Variants in OPHN1 observed in about 807,000 individuals in gnomAD.
The protein encoded by OPHN1 is oligophrenin-1.
OPHN1 carries 11 observed loss-of-function variants against 60.7 expected under a neutral mutation model. The observed-to-expected ratio is 0.18, with a 90% CI of 0.11 to 0.30. OPHN1 has a LOEUF of 0.30. Among genes scored for constraint, OPHN1 ranks in the 10% least tolerant of loss-of-function variants. OPHN1 has a pLI of 1.00. For missense variants in OPHN1, 449 were observed against 611.0 expected (o/e 0.73, Z 2.80); for synonymous variants, 226 against 222.6 (o/e 1.02, Z -0.14).
chrX:68,126,886 C>A (rs998699754), intron 15 of OPHN1, among the ~76,000 whole-genome samples: 2 of 112,262 alleles, frequency 1.8e-5, no homozygotes, highest in Admixed American at 9.4e-5. Context: ...CTTCTGAATC[C>A]GTGGCTCACC....
At chrX:68,356,616 T>C (rs1472305256) in intron 2 of OPHN1, among the ~76,000 whole-genome samples, 2 of 110,908 alleles carry the variant, frequency 1.8e-5, no homozygotes, top group East Asian at 5.7e-4. Context: ...TTTTGCCATG[T>C]TGCCCAGGCT....
intron 15 of OPHN1, among the ~76,000 whole-genome samples, chrX:68,171,175 A>G (rs2077389213): frequency 9.0e-6 from 1 of 110,816 alleles, no homozygotes. Flanking sequence ...TGGATACCCT[A>G]TTTCCCATGA....
chrX:68,118,977 C>T (rs777461279), intron 16 of OPHN1, among the ~76,000 whole-genome samples: 3 of 112,146 alleles, frequency 2.7e-5, no homozygotes, highest in Admixed American at 9.5e-5. Flanking sequence ...AAGAGCAAAA[C>T]GTATTCAATT....
At chrX:68,261,566 T>C (rs5965531) in intron 5 of OPHN1, among the ~76,000 whole-genome samples, 36,317 of 110,080 alleles carry the variant, frequency 0.33, 7,488 homozygotes, top group African/African-American at 0.78. Context: ...AGTGTACACA[T>C]GGGGAAGGAT....
At chrX:68,142,029 C>T (rs761538385) in intron 15 of OPHN1, among the ~76,000 whole-genome samples, 100 of 111,744 alleles carry the variant, frequency 8.9e-4, no homozygotes, top group Non-Finnish European at 1.3e-3. Context: ...CTGGACAGTA[C>T]TGAAAATGAT....
intron 6 of OPHN1, among the ~76,000 whole-genome samples, chrX:68,219,524 T>G (rs1233858343): frequency 9.2e-6 from 1 of 108,781 alleles, no homozygotes; most frequent in Non-Finnish European, 1.9e-5. Flanking sequence ...GACCACATAG[T>G]TGGAAGTAAA....
chrX:68,218,220 G>C (rs1417264238), intron 6 of OPHN1, among the ~76,000 whole-genome samples: 1 of 70,784 alleles, frequency 1.4e-5, no homozygotes, highest in African/African-American at 4.7e-5. Context: ...GAGAAGGGAA[G>C]TTTAGAGAAA....
intron 18 of OPHN1, among the ~76,000 whole-genome samples, chrX:68,110,116 T>C (rs1314501289): frequency 9.0e-6 from 1 of 111,608 alleles, no homozygotes; most frequent in East Asian, 2.8e-4. Context: ...CTTCTGGAAC[T>C]GTACTGCATT....
At chrX:68,194,912 G>A (rs1288447695) in intron 12 of OPHN1, among the ~76,000 whole-genome samples, 1 of 106,877 alleles carries the variant, frequency 9.4e-6, no homozygotes, top group African/African-American at 3.4e-5. Flanking sequence ...AGGCTGCAGT[G>A]AGCTGAGATC....
At chrX:68,323,982 A>T (rs2078247051) in intron 2 of OPHN1, among the ~76,000 whole-genome samples, 1 of 111,980 alleles carries the variant, frequency 8.9e-6, no homozygotes, top group African/African-American at 3.2e-5. Context: ...TATCTATTAA[A>T]AGCTTACATC....
intron 15 of OPHN1, among the ~76,000 whole-genome samples, chrX:68,142,222 G>C (rs2077246464): frequency 8.9e-6 from 1 of 112,456 alleles, no homozygotes; most frequent in East Asian, 2.8e-4. Flanking sequence ...ATTTCAGTCT[G>C]TATGACCCTG....
intron 2 of OPHN1, among the ~76,000 whole-genome samples, chrX:68,385,114 T>C (rs1374920791): frequency 9.0e-6 from 1 of 111,451 alleles, no homozygotes; most frequent in Admixed American, 9.6e-5. Context: ...TCAAAATATA[T>C]TGGGAGAAAG....
intron 15 of OPHN1, among the ~76,000 whole-genome samples, chrX:68,167,622 C>T (rs367771147): frequency 6.5e-4 from 71 of 108,778 alleles, no homozygotes; most frequent in South Asian, 2.4e-3. Context: ...TATACATGCG[C>T]GCATGCATGC....
At chrX:68,331,985 G>A (rs1418402126) in intron 2 of OPHN1, among the ~76,000 whole-genome samples, 3 of 109,299 alleles carry the variant, frequency 2.7e-5, no homozygotes, top group South Asian at 7.9e-4. Flanking sequence ...GTGGTGAGCC[G>A]AGATCGCACC....
At chrX:68,134,151 G>T (rs1379709977) in intron 15 of OPHN1, among the ~76,000 whole-genome samples, 1 of 109,784 alleles carries the variant, frequency 9.1e-6, no homozygotes, top group African/African-American at 3.3e-5. Flanking sequence ...CTCCAGCCTG[G>T]GTGACAGAGT....
intron 15 of OPHN1, among the ~76,000 whole-genome samples, chrX:68,119,843 T>A (rs1471247721): frequency 9.0e-6 from 1 of 111,708 alleles, no homozygotes; most frequent in Non-Finnish European, 1.9e-5. Flanking sequence ...AAGAGTCCTA[T>A]CAAGTTTTGA....
intron 2 of OPHN1, among the ~76,000 whole-genome samples, chrX:68,341,326 C>CA (rs559502317): frequency 0.23 from 22,766 of 96,998 alleles, 2,707 homozygotes; most frequent in African/African-American, 0.44. Flanking sequence ...CACACACTTT[C>CA]AAAAAAAAAA....
At position 68,119,786 on chromosome X, in the gene OPHN1, G is replaced by C. The variant is rs188732765; in HGVS notation, c.1277-454C>G. Among the ~76,000 whole-genome samples the C allele has an allele frequency of 7.3e-4, 81 of 111,281 alleles. 1 individual carries two copies. Among genetic ancestry groups the C allele is most frequent in the African/African-American group, 2.6e-3 (79 of 30,652 alleles). ...GATTTGAGAGGTAAAAACTCCAATA[G>C]GGCCCAGTCCAAAAGGGGCTCCCAA... On this transcript the variant is annotated intron_variant, in intron 15 of 24. Transcript: ENST00000355520.
In OPHN1 at chrX:68,234,563, T is replaced by A. The variant is rs767091477; in HGVS notation, c.410A>T (p.Asp137Val). 1 of 1,206,187 alleles carries A rather than the reference T, an allele frequency of 8.3e-7. No individual in the cohort carries two copies. The highest frequency in any genetic ancestry group is 1.1e-6 in the Non-Finnish European group (1 of 891,805). Residue 137 changes from aspartate to valine, a missense_variant, in exon 6 of 25, where the codon GAT (aspartate) becomes GTT (valine). This residue lies in a region of OPHN1 where 99 missense variants were observed against 155.2 expected (regional missense o/e 0.64). Transcript: ENST00000355520. ...TKERKKKFEKDGERFYSLLDR... is the reference protein window; with the variant it reads ...TKERKKKFEKVGERFYSLLDR... ...CAGTAAAGAATAAAACCTCTCACCA[T>A]CCTTTTCAAATTTCTTTTTCCGCTC... is the stretch of plus-strand genomic sequence containing the variant.
Sources: allele counts gnomAD v4.1 joint callset (sites outside exome capture counted in the v4.1 genomes callset), GRCh38; gene constraint gnomAD v4.1.1; regional missense constraint gnomAD v4.1.1; transcripts MANE v1.5; gene names NCBI Gene and HGNC (gene_info 2026-07-23, HGNC 2026-07-21).